SLCO1A2: variants seen among roughly 807,000 people sequenced by gnomAD.
The protein encoded by SLCO1A2 is OATP-1.
In SLCO1A2, 67 loss-of-function variants were observed where a neutral mutation model predicts 69.0. The observed-to-expected ratio is 0.97, with a 90% CI of 0.80 to 1.19. The LOEUF (loss-of-function observed/expected upper bound fraction) is 1.19. Ranked by LOEUF, SLCO1A2 falls within the 50% of genes most tolerant of loss-of-function variation. SLCO1A2 has a pLI of 0.00. For missense variants in SLCO1A2, 787 were observed against 793.7 expected (o/e 0.99, Z 0.10); for synonymous variants, 260 against 265.9 (o/e 0.98, Z 0.22).
chr12:21,359,641 G>T (rs1157857888), intron 2 of SLCO1A2, among the ~76,000 whole-genome samples: 2 of 152,064 alleles, frequency 1.3e-5, no homozygotes, highest in African/African-American at 4.8e-5. Flanking sequence ...CAGCTACTCG[G>T]GAGGCTGAGG....
intron 3 of SLCO1A2, 105 bp from the exon 4 acceptor site, chr12:21,314,786 C>T (rs984315319): frequency 1.2e-6 from 1 of 822,298 alleles, no homozygotes; most frequent in Non-Finnish European, 1.9e-6. Flanking sequence ...TAACAACTAT[C>T]TTAAATACTT....
intron 6 of SLCO1A2, among the ~76,000 whole-genome samples, chr12:21,302,505 C>T (rs948396187): frequency 1.3e-4 from 20 of 151,884 alleles, no homozygotes; most frequent in African/African-American, 4.1e-4. Context: ...TATATATGTT[C>T]TTCCACAGCA....
intron 2 of SLCO1A2, chr12:21,319,556 C>T: frequency 2.0e-6 from 2 of 1,013,276 alleles, no homozygotes; most frequent in Non-Finnish European, 2.8e-6. Flanking sequence ...AAGCCCAGGA[C>T]AGAGTATTTT....
At position 21,266,439 on chromosome 12, in the gene SLCO1A2, A is replaced by C. The variant is rs886669391; in HGVS notation, c.*3109T>G. 9 of 152,148 alleles carry C rather than the reference A, an allele frequency of 5.9e-5. No individual in the cohort carries two copies. The highest frequency in any genetic ancestry group is 2.2e-4 in the African/African-American group (9 of 41,428). 9.4% of individuals were successfully genotyped at this position (152,148 alleles called of 1,614,324 possible). ...AAGGGTCTTTACCACTTCGTGTGCT[A>C]TTACTCAAATTTCTTAAAATCATCT... On this transcript the variant is annotated 3_prime_UTR_variant, in exon 15 of 15. Coordinates refer to ENST00000683939, the MANE Select transcript of SLCO1A2 (RefSeq NM_001386879.1).
At chr12:21,282,671 G>T (rs1945009859) in intron 12 of SLCO1A2, among the ~76,000 whole-genome samples, 1 of 152,030 alleles carries the variant, frequency 6.6e-6, no homozygotes, top group Non-Finnish European at 1.5e-5. Context: ...TAGATGATAT[G>T]ATCTTCTATT....
At chr12:21,314,789 A>C in intron 3 of SLCO1A2, 108 bp from the exon 4 acceptor site, 1 of 807,866 alleles carries the variant, frequency 1.2e-6, no homozygotes, top group Non-Finnish European at 2.0e-6. Flanking sequence ...CAACTATCTT[A>C]AATACTTGGA....
rs1565492921 is a variant in SLCO1A2 at position 21,314,550 on chromosome 12, G to A, written c.334C>T (p.Gln112Ter). ...AAATTATCAGACTGGAGTACTTACT[G>A]GTTCATGAGGAAATGAGGTAGTGAT... ...LKSLPHFLMN[Q>*]YEYESTVSVS... Residue 112 changes from glutamine (Q) to a stop codon, truncating the protein, a stop_gained and splice_region_variant, in exon 4 of 15, where the codon CAA (glutamine) becomes TAA (stop). Transcript: ENST00000683939. LOFTEE classifies it high-confidence loss of function. 6.2e-7 allele frequency: 1 copy of A among 1,613,488 alleles called. No individual in the cohort carries two copies. Among genetic ancestry groups the A allele is most frequent in the Non-Finnish European group, 8.5e-7 (1 of 1,179,898 alleles).
At chr12:21,306,075 G>A (rs1403551648) in intron 5 of SLCO1A2, among the ~76,000 whole-genome samples, 2 of 150,386 alleles carry the variant, frequency 1.3e-5, no homozygotes, top group Non-Finnish European at 3.0e-5. Flanking sequence ...AGTAGAGGGG[G>A]AAAAAAAAAG....
At position 21,347,702 on chromosome 12, in the gene SLCO1A2, A is replaced by AAG. The variant is rs141241061; in HGVS notation, c.-62-12994_-62-12993insCT. Among the ~76,000 whole-genome samples the AAG allele has an allele frequency of 5.8e-4, 86 of 148,306 alleles. 1 individual carries two copies. Among genetic ancestry groups the AAG allele is most frequent in the South Asian group, 3.6e-3 (17 of 4,726 alleles). On this transcript the variant is annotated intron_variant, in intron 2 of 15. Transcript: ENST00000307378. ...GAAGGAAGGAAGGAAGGAAGGAAGAAGGAAAAAAGGAAGGAAGAGGGAAGC... is the reference window on the plus strand; with the variant it reads ...GAAGGAAGGAAGGAAGGAAGGAAGAAAGGGAAAAAAGGAAGGAAGAGGGAAGC...
intron 1 of SLCO1A2, among the ~76,000 whole-genome samples, chr12:21,381,873 C>A (rs1448745267): frequency 6.6e-6 from 1 of 152,116 alleles, no homozygotes; most frequent in East Asian, 1.9e-4. Flanking sequence ...TTACACAATG[C>A]TAGTGAGAAT....
intron 1 of SLCO1A2, among the ~76,000 whole-genome samples, chr12:21,410,285 G>A (rs867590771): frequency 3.9e-5 from 6 of 152,274 alleles, no homozygotes; most frequent in Middle Eastern, 6.8e-3. Context: ...CCTAAAGAGA[G>A]AGAGAGAGAG....
At chr12:21,271,776 T>C (rs1942903481) in intron 14 of SLCO1A2, among the ~76,000 whole-genome samples, 3 of 148,224 alleles carry the variant, frequency 2.0e-5, no homozygotes, top group Admixed American at 6.8e-5. Context: ...TATGTAAATA[T>C]ACATTTATAT....
chr12:21,307,975 A>T (rs1297255214), intron 4 of SLCO1A2, among the ~76,000 whole-genome samples: 1 of 152,180 alleles, frequency 6.6e-6, no homozygotes, highest in African/African-American at 2.4e-5. Flanking sequence ...ATCCTATGAG[A>T]CATGACAACC....
At chr12:21,350,267 G>A (rs1264642866) in intron 2 of SLCO1A2, among the ~76,000 whole-genome samples, 1 of 149,956 alleles carries the variant, frequency 6.7e-6, no homozygotes, top group African/African-American at 2.5e-5. Flanking sequence ...AGAATAACAA[G>A]AAAAAAATTG....
At chr12:21,333,977 A>C (rs2136956521) in intron 2 of SLCO1A2, among the ~76,000 whole-genome samples, 1 of 152,166 alleles carries the variant, frequency 6.6e-6, no homozygotes, top group South Asian at 2.1e-4. Flanking sequence ...AACCACTTGC[A>C]GGCACTAGCT....
chr12:21,401,325 A>G (rs1247471503), intron 1 of SLCO1A2, among the ~76,000 whole-genome samples: 4 of 151,848 alleles, frequency 2.6e-5, no homozygotes, highest in African/African-American at 9.7e-5. Context: ...GTATAATACA[A>G]AAATTAAAAT....
chr12:21,373,786 A>G lies in SLCO1A2; in HGVS notation c.-63+613T>C. On this transcript the variant is annotated intron_variant, in intron 2 of 15. Coordinates refer to the SLCO1A2 transcript ENST00000307378. ...TACTGAAACAAACCAGAGAAACTTAACTAAAGCATATATTTTTATACCAAG... is the reference window on the plus strand; with the variant it reads ...TACTGAAACAAACCAGAGAAACTTAGCTAAAGCATATATTTTTATACCAAG... 4 of 666,614 alleles carry G rather than the reference A, an allele frequency of 6.0e-6. 1 individual carries two copies. The South Asian group carries it at 6.6e-5, about 11-fold the overall frequency. The allele number at this position is 666,614 out of a possible 1,614,324, so 41.3% of individuals were successfully genotyped here.
At position 21,269,513 on chromosome 12, in the gene SLCO1A2, T is replaced by A. The variant is rs369197967; in HGVS notation, c.*35A>T. The A allele has an allele frequency of 6.8e-7, 1 of 1,477,828 alleles. No individual in the cohort carries two copies. The highest frequency in any genetic ancestry group is 1.4e-5 in the African/African-American group (1 of 71,788). The allele number at this position is 1,477,828 out of a possible 1,614,324, so 91.5% of individuals were successfully genotyped here. On this transcript the variant is annotated 3_prime_UTR_variant, in exon 15 of 15. Coordinates refer to ENST00000683939, the MANE Select transcript of SLCO1A2 (RefSeq NM_001386879.1). ...AAAACAATTAAGTTGTACAGCATGT[T>A]CTCTAATTCTGAAAAAAGTAATATA...
chr12:21,397,254 C>T (rs538675977), upstream of SLCO1A2, among the ~76,000 whole-genome samples: 2,887 of 150,292 alleles, frequency 0.019, 102 homozygotes, highest in African/African-American at 0.066. Context: ...TTTAAACCAA[C>T]AAAGATCAAA....
Sources: gnomAD v4.1 joint callset for allele counts (sites outside exome capture counted in the v4.1 genomes callset) on GRCh38, gnomAD v4.1.1 for gene constraint, MANE v1.5 for transcripts, NCBI Gene and HGNC (gene_info 2026-07-23, HGNC 2026-07-21) for gene names.